Variants in RHOU observed in about 807,000 individuals in gnomAD.
RHOU encodes the protein ras homolog family member U.
RHOU carries 8 observed loss-of-function variants against 12.6 expected under a neutral mutation model. The observed-to-expected ratio is 0.64, with a 90% CI of 0.37 to 1.15. RHOU has a LOEUF of 1.15. Among genes scored for constraint, RHOU ranks in the 50% most tolerant of loss-of-function variants. RHOU has a pLI of 0.01. For synonymous variants in RHOU, 161 were observed against 147.4 expected, an observed-to-expected ratio of 1.09 and a Z score of -0.67; for missense variants, 258 against 347.0, an observed-to-expected ratio of 0.74 and a Z score of 2.04.
the RHOU span, among the ~76,000 whole-genome samples, chr1:228,690,395 G>A: frequency 6.6e-6 from 1 of 151,544 alleles, no homozygotes; most frequent in African/African-American, 2.4e-5. Flanking sequence ...GCATGATCTC[G>A]GCTCACCGCA....
the RHOU span, among the ~76,000 whole-genome samples, chr1:228,725,868 A>G: frequency 6.6e-6 from 1 of 152,230 alleles, no homozygotes; most frequent in South Asian, 2.1e-4. Flanking sequence ...GAATTACTTT[A>G]GTGAGTAGAT....
At chr1:228,707,237 A>G in the RHOU span, among the ~76,000 whole-genome samples, 403 of 36,472 alleles carry the variant, frequency 0.011, 7 homozygotes, top group South Asian at 0.042. Context: ...ATACATATGT[A>G]TATATATATA....
upstream of RHOU, among the ~76,000 whole-genome samples, chr1:228,734,809 C>T (rs979457619): frequency 6.6e-6 from 1 of 152,014 alleles, no homozygotes; most frequent in African/African-American, 2.4e-5. Flanking sequence ...TTAATGTCTC[C>T]GAATTACCTT....
At chr1:228,687,383 G>T in the RHOU span, 1 of 921,918 alleles carries the variant, frequency 1.1e-6, no homozygotes, top group South Asian at 1.3e-5. Flanking sequence ...ACAACTTATA[G>T]AAAAGGTAAA....
intron 2 of RHOU, among the ~76,000 whole-genome samples, chr1:228,739,469 C>G (rs780621998): frequency 1.3e-5 from 2 of 152,110 alleles, no homozygotes; most frequent in Non-Finnish European, 2.9e-5. Context: ...GAGCCTGAGG[C>G]AGACAGTTGC....
At position 228,735,634 on chromosome 1, in the gene RHOU, C is replaced by T. The variant is rs1571887616; in HGVS notation, c.-109C>T. ...CCGCCACTCTCCAGGGCCGGGGACG[C>T]GCCCGCAGCTGTCGGTGACAGCTCC... On this transcript the variant is annotated 5_prime_UTR_variant, in exon 1 of 3. Transcript: ENST00000366691. The surrounding 1 kb of genome is among the most constrained non-coding windows in gnomAD (Gnocchi z 8.1). The T allele has an allele frequency of 5.5e-6, 5 of 904,004 alleles. No individual in the cohort carries two copies. Among genetic ancestry groups the T allele is most frequent in the Non-Finnish European group, 7.0e-6 (5 of 713,570 alleles). 56.0% of individuals were successfully genotyped at this position (904,004 alleles called of 1,614,324 possible). A position where few individuals can be genotyped will look rare whatever the true frequency, so the allele number is the denominator to read the frequency against.
At chr1:228,694,154 T>G in the RHOU span, among the ~76,000 whole-genome samples, 1 of 152,222 alleles carries the variant, frequency 6.6e-6, no homozygotes, top group Non-Finnish European at 1.5e-5. Context: ...ATTATTTCTT[T>G]GTAGCTAGGT....
chr1:228,734,796 A>G (rs975893782), upstream of RHOU, among the ~76,000 whole-genome samples: 5 of 152,222 alleles, frequency 3.3e-5, no homozygotes, highest in Admixed American at 1.3e-4. Flanking sequence ...TTTTTCAGAC[A>G]TATTAATGTC....
chr1:228,713,760 A>G, the RHOU span, among the ~76,000 whole-genome samples: 1 of 152,222 alleles, frequency 6.6e-6, no homozygotes, highest in Non-Finnish European at 1.5e-5. Flanking sequence ...AAGCATGGGC[A>G]AAACAACCTG....
upstream of RHOU, among the ~76,000 whole-genome samples, chr1:228,730,870 A>G (rs1389123239): frequency 6.6e-6 from 1 of 152,218 alleles, no homozygotes; most frequent in Non-Finnish European, 1.5e-5. Context: ...AGCAGGAAAA[A>G]CAGCTTTATA....
the RHOU span, among the ~76,000 whole-genome samples, chr1:228,688,478 G>A: frequency 6.6e-6 from 1 of 152,110 alleles, no homozygotes; most frequent in Non-Finnish European, 1.5e-5. Flanking sequence ...CTCCCATTTT[G>A]ACCTCCTTAG....
the RHOU span, among the ~76,000 whole-genome samples, chr1:228,647,653 C>A: frequency 6.6e-6 from 1 of 152,152 alleles, no homozygotes; most frequent in Non-Finnish European, 1.5e-5. Flanking sequence ...GGGAAGGCAC[C>A]GCGAACGGCA....
Position 228,744,811 on chromosome 1 carries a change from T to C in RHOU, c.*1071T>C, listed in dbSNP as rs41271475. Reference sequence around the variant, plus strand: ...GCTGTATTTGCTGTTGATTCAGACTTTCACACCATTAATGGGGAAAAGCGT... The same window carrying C: ...GCTGTATTTGCTGTTGATTCAGACTCTCACACCATTAATGGGGAAAAGCGT... On this transcript the variant is annotated 3_prime_UTR_variant, in exon 3 of 3. Coordinates refer to ENST00000366691, the MANE Select transcript of RHOU (RefSeq NM_021205.6). The C allele has an allele frequency of 6.6e-6, 1 of 152,324 alleles. No individual in the cohort carries two copies. Among genetic ancestry groups the C allele is most frequent in the Non-Finnish European group, 1.5e-5 (1 of 68,040 alleles). The allele number at this position is 152,324 out of a possible 1,614,324, so 9.4% of individuals were successfully genotyped here.
At chr1:228,689,068 C>G in the RHOU span, among the ~76,000 whole-genome samples, 2 of 152,188 alleles carry the variant, frequency 1.3e-5, no homozygotes. Context: ...TCCGCCTGAA[C>G]AGTCCCTTCA....
chr1:228,736,098 G>C, intron 1 of RHOU, 94 bp downstream of exon 1: 1 of 1,275,658 alleles, frequency 7.8e-7, no homozygotes, highest in Non-Finnish European at 1.0e-6. Flanking sequence ...TCCCAAGGGG[G>C]CTGCAGGGCC....
chr1:228,647,642 C>T, the RHOU span, among the ~76,000 whole-genome samples: 1 of 152,148 alleles, frequency 6.6e-6, no homozygotes, highest in Non-Finnish European at 1.5e-5. Context: ...GATCCGGGAG[C>T]GGGAAGGCAC....
chr1:228,732,048 A>C (rs1436363063), upstream of RHOU, among the ~76,000 whole-genome samples: 1 of 152,232 alleles, frequency 6.6e-6, no homozygotes, highest in Non-Finnish European at 1.5e-5. Flanking sequence ...ATTTTATAAA[A>C]GCATAAAAAT....
At chr1:228,666,991 A>C in the RHOU span, among the ~76,000 whole-genome samples, 1 of 152,152 alleles carries the variant, frequency 6.6e-6, no homozygotes, top group African/African-American at 2.4e-5. Context: ...ATTTAGCCTC[A>C]CTTGTCTGTT....
the RHOU span, among the ~76,000 whole-genome samples, chr1:228,674,346 CTTTTT>C: frequency 7.4e-6 from 1 of 135,966 alleles, no homozygotes; most frequent in African/African-American, 2.8e-5. Context: ...TGTTTAGTAC[CTTTTT>C]TTTTTTTTTT....
Sources: allele counts gnomAD v4.1 joint callset (sites outside exome capture counted in the v4.1 genomes callset), GRCh38; gene constraint gnomAD v4.1.1; non-coding constraint Gnocchi (gnomAD v3.1); transcripts MANE v1.5; gene names NCBI Gene and HGNC (gene_info 2026-07-23, HGNC 2026-07-21).